Variants in KNTC1 observed in about 807,000 individuals in gnomAD.
KNTC1 encodes kinetochore-associated protein 1.
KNTC1 carries 253 observed loss-of-function variants against 314.4 expected under a neutral mutation model. The ratio of observed to expected loss-of-function variants is 0.80; its 90% CI spans 0.73 to 0.89. KNTC1 has a LOEUF of 0.89. KNTC1 is among the 40% of genes least tolerant of loss of function. The pLI is 0.00. For synonymous variants in KNTC1, 901 were observed against 901.4 expected (o/e 1.00, Z 0.01); for missense variants, 2,475 against 2,572.9 (o/e 0.96, Z 0.82).
intron 51 of KNTC1, among the ~76,000 whole-genome samples, chr12:122,606,774 A>G (rs1339205453): frequency 6.6e-6 from 1 of 151,944 alleles, no homozygotes; most frequent in African/African-American, 2.4e-5. Flanking sequence ...CTCCTCTATA[A>G]TTGATACTCT....
intron 6 of KNTC1, among the ~76,000 whole-genome samples, chr12:122,542,482 C>A (rs1962419385): frequency 6.6e-6 from 1 of 152,084 alleles, no homozygotes; most frequent in African/African-American, 2.4e-5. Flanking sequence ...TAGTGCAGAA[C>A]AGGGCTGGCG....
At chr12:122,556,502 T>G (rs897711900) in intron 16 of KNTC1, among the ~76,000 whole-genome samples, 6 of 150,448 alleles carry the variant, frequency 4.0e-5, no homozygotes, top group Non-Finnish European at 4.4e-5. Context: ...TTTTTTTTTT[T>G]TGAGATGGAG....
intron 4 of KNTC1, among the ~76,000 whole-genome samples, chr12:122,538,907 G>A (rs755601785): frequency 6.6e-6 from 1 of 152,076 alleles, no homozygotes; most frequent in Non-Finnish European, 1.5e-5. Flanking sequence ...TCCATCCCTG[G>A]GTGTGATTTT....
In KNTC1 at chr12:122,580,610, G is replaced by T. The variant is rs1297735175; in HGVS notation, c.2922G>T (p.Leu974=). Residue 974 remains leucine (L), a synonymous_variant, in exon 33 of 64, where the codon CTG becomes CTT. Coordinates refer to ENST00000333479, the MANE Select transcript of KNTC1 (RefSeq NM_014708.6). ...KILCDIQKDN[L]QKKDECEEML... ...TTAAAAATTTAATTACAGACAATCT[G>T]CAGAAGAAGGACGAATGTGAAGAAA... The T allele has an allele frequency of 5.8e-6, 9 of 1,559,630 alleles. No individual in the cohort carries two copies. Among genetic ancestry groups the T allele is most frequent in the Non-Finnish European group, 7.8e-6 (9 of 1,148,030 alleles).
At chr12:122,568,442 A>C in intron 21 of KNTC1, 70 bp downstream of exon 21, 1 of 863,788 alleles carries the variant, frequency 1.2e-6, no homozygotes, top group Non-Finnish European at 2.0e-6. Context: ...TCAATGTTGG[A>C]GACTAACAAG....
chr12:122,618,534 C>A lies in KNTC1; in HGVS notation c.6138C>A (p.Ile2046=). 6.2e-7 allele frequency: 1 copy of A among 1,608,920 alleles called. No homozygotes were observed. The change falls in exon 59 of 64, where the codon ATC becomes ATA. Residue 2046 remains isoleucine, a synonymous_variant. Transcript: ENST00000333479. ...TGTCAGATTGTTCTGAGAGTCTCATCGCTGTCCTCGAGTAAGCAAAATATT... is the reference window on the plus strand; with the variant it reads ...TGTCAGATTGTTCTGAGAGTCTCATAGCTGTCCTCGAGTAAGCAAAATATT... ...DQLSDCSESL[I]AVLECPVSGD... is the part of the protein sequence containing the mutation.
chr12:122,611,165 C>T (rs760374008), intron 53 of KNTC1: 7 of 431,974 alleles, frequency 1.6e-5, no homozygotes, highest in Non-Finnish European at 2.9e-5. Flanking sequence ...CAGTGGTTAA[C>T]TCCCTGGTCA....
chr12:122,568,509 G>T, intron 21 of KNTC1, 137 bp downstream of exon 21: 1 of 711,476 alleles, frequency 1.4e-6, no homozygotes, highest in Non-Finnish European at 2.5e-6. Flanking sequence ...AATATGACTT[G>T]CTTTTGTTTG....
intron 20 of KNTC1, 131 bp downstream of exon 20, chr12:122,562,830 CA>C: frequency 1.8e-6 from 1 of 567,174 alleles, no homozygotes; most frequent in Non-Finnish European, 3.3e-6. Flanking sequence ...GCCAACATGG[CA>C]AAACCCCATC....
chr12:122,587,782 TG>T lies in KNTC1; in HGVS notation c.3805del (p.Glu1269SerfsTer2), dbSNP rs867114695. 4 of 1,613,752 alleles carry T rather than the reference TG, an allele frequency of 2.5e-6. No homozygotes were observed. In the African/African-American group the frequency reaches 4.0e-5, roughly 16 times the overall value. Reference protein sequence around the residue: ...LLQNLQESSQWELALRFVVGS... With the variant: ...LLQNLQESSQXELALRFVVGS... The stretch of plus-strand genomic sequence containing the variant: ...TCAGAATCTTCAGGAATCTAGCCAG[TG>T]GGAGCTAGCCCTAAGATTTGTGGTT... On this transcript the variant is annotated frameshift_variant, in exon 39 of 64. Coordinates refer to ENST00000333479, the MANE Select transcript of KNTC1 (RefSeq NM_014708.6). LOFTEE classifies it high-confidence loss of function.
chr12:122,530,409 T>G (rs1961217625), intron 2 of KNTC1, among the ~76,000 whole-genome samples: 1 of 152,178 alleles, frequency 6.6e-6, no homozygotes, highest in Non-Finnish European at 1.5e-5. Flanking sequence ...CCTCTTGATA[T>G]TTCATGCATA....
In KNTC1 at chr12:122,553,052, G is replaced by T. The variant is rs370408755; in HGVS notation, c.1272+1356G>T. Among the ~76,000 whole-genome samples the T allele has an allele frequency of 3.8e-4, 58 of 152,118 alleles. 1 individual carries two copies. The South Asian group carries it at 0.011, about 29-fold the overall frequency. Reference sequence around the variant, plus strand: ...CATGCCTGTAGTCCCACCTACTCGGGAGGCTGAAGCAGGAGAATCACTTGA... The same window carrying T: ...CATGCCTGTAGTCCCACCTACTCGGTAGGCTGAAGCAGGAGAATCACTTGA... On this transcript the variant is annotated intron_variant, in intron 16 of 63. Transcript: ENST00000333479.
At chr12:122,605,130 AT>A in intron 50 of KNTC1, 43 bp downstream of exon 50, 2 of 1,517,786 alleles carry the variant, frequency 1.3e-6, no homozygotes. Context: ...AAAAGCTATT[AT>A]TTTGATTCTC....
chr12:122,611,043 C>T, intron 53 of KNTC1, 143 bp downstream of exon 53: 3 of 657,074 alleles, frequency 4.6e-6, no homozygotes, highest in South Asian at 3.7e-5. Flanking sequence ...GTCTCATCTC[C>T]TAAGCAAGCA....
chr12:122,564,647 ATT>A (rs1483565353), intron 20 of KNTC1, among the ~76,000 whole-genome samples: 1 of 151,848 alleles, frequency 6.6e-6, no homozygotes, highest in Non-Finnish European at 1.5e-5. Context: ...TTTTTTAATT[ATT>A]TTTTTAGAAA....
At chr12:122,575,693 A>AT in intron 28 of KNTC1, 47 bp downstream of exon 28, 1 of 1,503,140 alleles carries the variant, frequency 6.7e-7, no homozygotes, top group Non-Finnish European at 9.1e-7. Context: ...CTGGAGAAAC[A>AT]TTGTGTTTTG....
At position 122,551,380 on chromosome 12, in the gene KNTC1, G is replaced by A. The variant is rs560239047; in HGVS notation, c.1130+18G>A. 7.2e-5 allele frequency: 115 copies of A among 1,590,518 alleles called. No individual in the cohort carries two copies. Among genetic ancestry groups the A allele is most frequent in the Non-Finnish European group, 8.6e-5 (100 of 1,163,442 alleles). On this transcript the variant is annotated intron_variant, in intron 14 of 63. Transcript: ENST00000333479. The stretch of plus-strand genomic sequence containing the variant: ...GATCCAAAGTAGGTCATGTTTTACC[G>A]TGTTAAGTAATAGCTATGTTAAATT...
intron 15 of KNTC1, 46 bp from the exon 16 acceptor site, chr12:122,551,575 C>G: frequency 6.2e-7 from 1 of 1,600,392 alleles, no homozygotes; most frequent in Non-Finnish European, 8.6e-7. Context: ...AACTTAAATT[C>G]CCTGAATAAT....
intron 55 of KNTC1, 89 bp from the exon 56 acceptor site, chr12:122,614,902 T>G: frequency 1.2e-6 from 1 of 828,044 alleles, no homozygotes. Context: ...AAGCAGCATA[T>G]TTTGTATTAA....
Sources: allele counts gnomAD v4.1 joint callset (sites outside exome capture counted in the v4.1 genomes callset), GRCh38; gene constraint gnomAD v4.1.1; transcripts MANE v1.5; gene names NCBI Gene and HGNC (gene_info 2026-07-23, HGNC 2026-07-21).